SPIDR: variants seen among roughly 807,000 people sequenced by gnomAD.
SPIDR encodes the protein scaffold protein involved in DNA repair, also known as DNA repair-scaffolding protein.
SPIDR carries 93 observed loss-of-function variants against 104.6 expected under a neutral mutation model. The observed-to-expected ratio is 0.89, with a 90% CI of 0.75 to 1.06. The LOEUF (loss-of-function observed/expected upper bound fraction) is 1.06, where lower values mean the gene tolerates loss of function less well. Ranked by LOEUF, SPIDR falls within the 50% of genes least tolerant of loss-of-function variation. SPIDR has a pLI of 0.00. For missense variants in SPIDR, 1,154 were observed against 1,111.2 expected (o/e 1.04, Z -0.55); for synonymous variants, 431 against 416.9 (o/e 1.03, Z -0.41).
chr8:47,703,287 G>A (rs879497720), intron 14 of SPIDR, among the ~76,000 whole-genome samples: 1 of 152,182 alleles, frequency 6.6e-6, no homozygotes, highest in Non-Finnish European at 1.5e-5. Flanking sequence ...GCATTTCTCT[G>A]ATCATTCTTC....
Position 47,701,826 on chromosome 8 carries a change from C to A in SPIDR, c.1879C>A (p.Gln627Lys). Residue 627 changes from glutamine to lysine, a missense_variant, in exon 13 of 20, where the codon CAG (glutamine) becomes AAG (lysine). Coordinates refer to ENST00000297423, the MANE Select transcript of SPIDR (RefSeq NM_001080394.4). ...CGAAGACCCCATTTATAAGCTTTAC[C>A]AGCCTCCAGTTACCCGCTGCTTAAG... is the stretch of plus-strand genomic sequence containing the variant. ...IDEDPIYKLY[Q>K]PPVTRCLRDI... The A allele has an allele frequency of 6.2e-7, 1 of 1,614,134 alleles. No homozygotes were observed. Among genetic ancestry groups the A allele is most frequent in the Non-Finnish European group, 8.5e-7 (1 of 1,180,040 alleles).
intron 5 of SPIDR, chr8:47,330,781 T>G (rs1016205961): frequency 2.4e-5 from 11 of 456,098 alleles, no homozygotes; most frequent in African/African-American, 1.4e-4. Context: ...TGCTTCTAGG[T>G]TTTGGCAATT....
At chr8:47,478,924 C>T (rs138202827) in intron 8 of SPIDR, among the ~76,000 whole-genome samples, 4 of 152,158 alleles carry the variant, frequency 2.6e-5, no homozygotes, top group Non-Finnish European at 5.9e-5. Context: ...GAGGCACTTA[C>T]TCATCCAAGC....
At chr8:47,715,807 G>A (rs907207816) in intron 16 of SPIDR, among the ~76,000 whole-genome samples, 2 of 152,128 alleles carry the variant, frequency 1.3e-5, no homozygotes, top group African/African-American at 4.8e-5. Flanking sequence ...AATATTCATG[G>A]ACAAGGTTTT....
rs149062747 is a variant in SPIDR, at chr8:47,260,938, G to A, written c.-21G>A. 2,338 of 1,227,122 alleles carry A rather than the reference G, an allele frequency of 1.9e-3. 30 individuals are homozygous for A. In the African/African-American group the frequency reaches 0.032, roughly 17 times the overall value. The allele number at this position is 1,227,122 out of a possible 1,614,324, so 76.0% of individuals were successfully genotyped here. A position where few individuals can be genotyped will look rare whatever the true frequency, so the allele number is the denominator to read the frequency against. The stretch of plus-strand genomic sequence containing the variant: ...CGGCGGCGCGCTGAGGAGGCGGTGC[G>A]CTCAGGCGGCGCTCCCGGAGATGCC... On this transcript the variant is annotated 5_prime_UTR_variant, in exon 1 of 20. Coordinates refer to ENST00000297423, the MANE Select transcript of SPIDR (RefSeq NM_001080394.4).
intron 5 of SPIDR, among the ~76,000 whole-genome samples, chr8:47,377,531 G>C (rs1587915648): frequency 1.3e-5 from 2 of 152,314 alleles, no homozygotes; most frequent in South Asian, 2.1e-4. Flanking sequence ...AATTATGGCA[G>C]TTCATTATGT....
At chr8:47,625,697 T>C in intron 10 of SPIDR, among the ~76,000 whole-genome samples, 1 of 151,826 alleles carries the variant, frequency 6.6e-6, no homozygotes, top group African/African-American at 2.4e-5. Context: ...GAAGGACCTC[T>C]TCAAGGAGAA....
At chr8:47,469,475 C>T (rs933343956) in intron 8 of SPIDR, among the ~76,000 whole-genome samples, 13 of 151,916 alleles carry the variant, frequency 8.6e-5, no homozygotes, top group African/African-American at 3.1e-4. Flanking sequence ...AACCTAAATG[C>T]CCATCAACGG....
Position 47,553,793 on chromosome 8 carries a change from A to T in SPIDR, c.1098-42018A>T, listed in dbSNP as rs181032845. 3.3e-5 allele frequency among the ~76,000 whole-genome samples: 5 copies of T among 152,340 alleles called. No homozygotes were observed. The East Asian group carries it at 9.6e-4, about 29-fold the overall frequency. On this transcript the variant is annotated intron_variant, in intron 8 of 19. Transcript: ENST00000297423. ...TGTCCAGCTTTGCTCTGTTGCTGGC[A>T]AGGAACTGTCTTCCTTTGGAGGAGA...
intron 6 of SPIDR, among the ~76,000 whole-genome samples, chr8:47,403,300 A>T (rs1273772628): frequency 6.6e-6 from 1 of 152,220 alleles, no homozygotes; most frequent in African/African-American, 2.4e-5. Context: ...GGCACAAGAC[A>T]GGGATGCCCT....
chr8:47,665,077 A>C (rs1168493065), intron 10 of SPIDR, among the ~76,000 whole-genome samples: 2 of 152,188 alleles, frequency 1.3e-5, no homozygotes, highest in African/African-American at 4.8e-5. Flanking sequence ...GCACTTATCA[A>C]ATTTGATGCA....
chr8:47,382,766 T>A (rs531106016), intron 5 of SPIDR, among the ~76,000 whole-genome samples: 2 of 152,292 alleles, frequency 1.3e-5, no homozygotes, highest in East Asian at 3.9e-4. Context: ...ATCCACCTCT[T>A]TAGAGAATTG....
chr8:47,280,892 T>C (rs2037642567), intron 2 of SPIDR, among the ~76,000 whole-genome samples: 1 of 152,174 alleles, frequency 6.6e-6, no homozygotes. Flanking sequence ...TGTTTGTAAA[T>C]GAAGGATATT....
intron 10 of SPIDR, among the ~76,000 whole-genome samples, chr8:47,637,974 A>G (rs954312496): frequency 2.6e-5 from 4 of 152,032 alleles, no homozygotes; most frequent in Non-Finnish European, 5.9e-5. Flanking sequence ...TTATATCACT[A>G]TGGACTTGTA....
At chr8:47,636,040 A>G (rs763655020) in intron 10 of SPIDR, among the ~76,000 whole-genome samples, 5 of 152,208 alleles carry the variant, frequency 3.3e-5, no homozygotes, top group Non-Finnish European at 5.9e-5. Flanking sequence ...TTTATTTACT[A>G]CTTGAGGGCT....
intron 14 of SPIDR, among the ~76,000 whole-genome samples, chr8:47,706,038 G>A (rs1345598927): frequency 6.6e-6 from 1 of 152,124 alleles, no homozygotes; most frequent in Non-Finnish European, 1.5e-5. Context: ...GAAATACACG[G>A]GGGGTCTGGT....
intron 11 of SPIDR, among the ~76,000 whole-genome samples, chr8:47,699,344 T>C (rs2079807929): frequency 1.3e-5 from 2 of 152,150 alleles, no homozygotes; most frequent in South Asian, 4.1e-4. Context: ...GTCCAAGCAT[T>C]TTCTCAAGGT....
chr8:47,284,039 T>C lies in SPIDR; in HGVS notation c.201T>C (p.Ala67=). ...QNTSGNPSLT[A]EEKTITEKHL... is the part of the protein sequence containing the mutation. ...TATTTTGCCTACAGTCATTAACAGC[T>C]GAAGAGAAGACGATTACAGAAAAGC... Residue 67 remains alanine (A), a synonymous_variant, in exon 3 of 20, where the codon GCT becomes GCC. Transcript: ENST00000297423. The C allele has an allele frequency of 3.1e-6, 5 of 1,611,202 alleles. No individual in the cohort carries two copies. Among genetic ancestry groups the C allele is most frequent in the Non-Finnish European group, 4.2e-6 (5 of 1,178,842 alleles).
At chr8:47,567,758 T>C (rs901683360) in intron 8 of SPIDR, among the ~76,000 whole-genome samples, 2 of 149,498 alleles carry the variant, frequency 1.3e-5, no homozygotes, top group South Asian at 4.2e-4. Context: ...TTTGTTTTCT[T>C]CTTTTCTTTT....
Sources: gnomAD v4.1 joint callset for allele counts (sites outside exome capture counted in the v4.1 genomes callset) on GRCh38, gnomAD v4.1.1 for gene constraint, MANE v1.5 for transcripts, NCBI Gene and HGNC (gene_info 2026-07-23, HGNC 2026-07-21) for gene names.